The following EPHA7 variants were observed in gnomAD, a reference collection of about 807,000 sequenced individuals.
EPHA7 encodes ephrin type-A receptor 7.
Under a neutral mutation model 112.6 loss-of-function variants are expected in EPHA7, and 25 were observed. The observed-to-expected ratio is 0.22, with a 90% CI of 0.16 to 0.31. The LOEUF is 0.31. EPHA7 is among the 10% of genes least tolerant of loss of function. The pLI, the probability that EPHA7 is intolerant of heterozygous loss-of-function variation, is 1.00. For synonymous variants in EPHA7, 437 were observed against 406.5 expected (o/e 1.07, Z -0.90); for missense variants, 962 against 1,212.6 (o/e 0.79, Z 3.07).
intron 5 of EPHA7, among the ~76,000 whole-genome samples, chr6:93,314,799 C>T (rs970113184): frequency 1.3e-5 from 2 of 149,838 alleles, no homozygotes; most frequent in African/African-American, 2.5e-5. Flanking sequence ...TGTTAAGTCA[C>T]TATGATATTT....
rs71542009 is a variant in EPHA7, at chr6:93,311,114, A to ATTTTTTTTTTT, written c.1325-38703_1325-38693dup. Among the ~76,000 whole-genome samples the ATTTTTTTTTTT allele has an allele frequency of 3.4e-3, 264 of 78,492 alleles. 34 individuals are homozygous for ATTTTTTTTTTT. Among genetic ancestry groups the ATTTTTTTTTTT allele is most frequent in the South Asian group, 5.6e-3 (13 of 2,338 alleles). The allele number at this position is 78,492 out of a possible 152,430, so 51.5% of individuals were successfully genotyped here. A position where few individuals can be genotyped will look rare whatever the true frequency, so the allele number is the denominator to read the frequency against. On this transcript the variant is annotated intron_variant, in intron 5 of 16. Transcript: ENST00000369303. ...ACAGGCATGTGCATCATGCCCAGCTATTTTTTTTTTTTTTTTTTTTTTTTT... is the reference window on the plus strand; with the variant it reads ...ACAGGCATGTGCATCATGCCCAGCTATTTTTTTTTTTTTTTTTTTTTTTTTTTTTTTTTTTT...
chr6:93,365,866 GTGTT>G (rs1776481500), intron 3 of EPHA7, among the ~76,000 whole-genome samples: 1 of 152,096 alleles, frequency 6.6e-6, no homozygotes, highest in African/African-American at 2.4e-5. Flanking sequence ...TTTTACGTGT[GTGTT>G]TGTTATTAAT....
intron 3 of EPHA7, among the ~76,000 whole-genome samples, chr6:93,396,175 C>T (rs1778161677): frequency 6.6e-6 from 1 of 151,742 alleles, no homozygotes; most frequent in South Asian, 2.1e-4. Context: ...CGAAATTAAC[C>T]TTGGATAATC....
At chr6:93,329,704 C>G (rs891552615) in intron 5 of EPHA7, among the ~76,000 whole-genome samples, 7 of 151,200 alleles carry the variant, frequency 4.6e-5, no homozygotes, top group African/African-American at 1.7e-4. Context: ...CTTATTGTCT[C>G]AAATATTTTA....
At chr6:93,389,245 T>A (rs1382754205) in intron 3 of EPHA7, among the ~76,000 whole-genome samples, 1 of 152,118 alleles carries the variant, frequency 6.6e-6, no homozygotes, top group Non-Finnish European at 1.5e-5. Context: ...AAGCATCATC[T>A]CATTTTTATG....
Position 93,240,101 on chromosome 6 carries a change from TA to T in EPHA7, c.*3324del, listed in dbSNP as rs1769627921. On this transcript the variant is annotated 3_prime_UTR_variant, in exon 17 of 17. Transcript: ENST00000369303. ...TTATGATTCATGTTGAAGAAAGAGT[TA>T]TTTGTGCTTGATACATTGAAGACAC... 1.8e-5 allele frequency: 4 copies of T among 224,600 alleles called. No individual in the cohort carries two copies. Among genetic ancestry groups the T allele is most frequent in the Non-Finnish European group, 3.6e-5 (4 of 112,620 alleles). 13.9% of individuals were successfully genotyped at this position (224,600 alleles called of 1,614,324 possible). A position where few individuals can be genotyped will look rare whatever the true frequency, so the allele number is the denominator to read the frequency against.
At chr6:93,313,241 C>G (rs1306964771) in intron 5 of EPHA7, among the ~76,000 whole-genome samples, 3 of 151,984 alleles carry the variant, frequency 2.0e-5, no homozygotes, top group South Asian at 2.1e-4. Context: ...GAGTTGGAGA[C>G]TATCTAAATA....
intron 14 of EPHA7, among the ~76,000 whole-genome samples, chr6:93,248,284 ATGTAATGAGTACAGTAC>A (rs1770048554): frequency 6.6e-6 from 1 of 152,062 alleles, no homozygotes; most frequent in African/African-American, 2.4e-5. Context: ...GTAGGATAGG[ATGTAATGAGTACAGTAC>A]TTGGCATCAA....
At chr6:93,299,373 A>G (rs902513072) in intron 5 of EPHA7, among the ~76,000 whole-genome samples, 2 of 151,730 alleles carry the variant, frequency 1.3e-5, no homozygotes, top group Non-Finnish European at 2.9e-5. Flanking sequence ...AAAAAGAAGA[A>G]AGAAAAAAAG....
chr6:93,269,412 T>G, intron 7 of EPHA7, 65 bp downstream of exon 7: 1 of 1,400,294 alleles, frequency 7.1e-7, no homozygotes, highest in African/African-American at 1.5e-5. Context: ...ACCTCAATAT[T>G]GAAAAAAATA....
chr6:93,393,700 A>C (rs1202235335), intron 3 of EPHA7, among the ~76,000 whole-genome samples: 1 of 151,820 alleles, frequency 6.6e-6, no homozygotes, highest in African/African-American at 2.4e-5. Context: ...CAGTGTTACT[A>C]ATCTAATATG....
intron 3 of EPHA7, among the ~76,000 whole-genome samples, chr6:93,360,815 GT>G (rs1474383412): frequency 6.6e-6 from 1 of 151,956 alleles, no homozygotes; most frequent in East Asian, 1.9e-4. Context: ...CAATAATTCT[GT>G]TTGTCTAGGA....
intron 10 of EPHA7, among the ~76,000 whole-genome samples, chr6:93,259,114 G>C (rs1403434292): frequency 6.6e-6 from 1 of 151,916 alleles, no homozygotes; most frequent in Non-Finnish European, 1.5e-5. Context: ...GCTTGTAGTA[G>C]AACAATATCT....
intron 5 of EPHA7, among the ~76,000 whole-genome samples, chr6:93,278,253 C>CT (rs1247052957): frequency 6.6e-6 from 1 of 151,996 alleles, no homozygotes; most frequent in African/African-American, 2.4e-5. Context: ...CATACTAGGA[C>CT]TCCTCCTAAT....
chr6:93,344,381 A>G (rs1033000369), intron 5 of EPHA7, among the ~76,000 whole-genome samples: 2 of 151,638 alleles, frequency 1.3e-5, no homozygotes, highest in African/African-American at 4.8e-5. Context: ...AAATAGGATG[A>G]GATGTCAAAA....
intron 5 of EPHA7, among the ~76,000 whole-genome samples, chr6:93,301,397 A>G: frequency 6.6e-6 from 1 of 152,204 alleles, no homozygotes; most frequent in East Asian, 1.9e-4. Flanking sequence ...TTTGAAATAT[A>G]CAAGAAATTT....
intron 5 of EPHA7, among the ~76,000 whole-genome samples, chr6:93,293,158 A>G (rs1379470645): frequency 2.0e-5 from 3 of 151,272 alleles, no homozygotes; most frequent in African/African-American, 7.3e-5. Context: ...CATAGAAAAG[A>G]CTATGTAAAC....
intron 5 of EPHA7, among the ~76,000 whole-genome samples, chr6:93,329,104 C>T (rs945433537): frequency 9.3e-5 from 14 of 151,238 alleles, no homozygotes; most frequent in African/African-American, 3.1e-4. Context: ...GTATTTTTTT[C>T]ATTACCAATA....
In EPHA7 at chr6:93,410,896, A is replaced by G; in HGVS notation, c.437T>C (p.Ile146Thr). 1 of 1,613,950 alleles carries G rather than the reference A, an allele frequency of 6.2e-7. No individual in the cohort carries two copies. Among genetic ancestry groups the G allele is most frequent in the Non-Finnish European group, 8.5e-7 (1 of 1,179,946 alleles). ...RNIRENLYVK[I>T]DTIAADESFT... ...ACTTTCATCTGCAGCAATGGTGTCT[A>G]TTTTTACATAGAGGTTTTCTCTTAT... The change falls in exon 3 of 17, where the codon ATA becomes ACA. Residue 146 changes from isoleucine to threonine, a missense_variant. Ile to Thr is a moderately conservative substitution (Grantham distance 89). Transcript: ENST00000369303. The surrounding 1 kb of genome is among the most constrained non-coding windows in gnomAD (Gnocchi z 4.0).
Sources: gnomAD v4.1 joint callset for allele counts (sites outside exome capture counted in the v4.1 genomes callset) on GRCh38, gnomAD v4.1.1 for gene constraint, Gnocchi (gnomAD v3.1) non-coding constraint, MANE v1.5 for transcripts, NCBI Gene and HGNC (gene_info 2026-07-23, HGNC 2026-07-21) for gene names.